The following F2R variants were observed in gnomAD, a reference collection of about 807,000 sequenced individuals.
F2R encodes the protein coagulation factor II thrombin receptor, also known as proteinase-activated receptor 1.
F2R carries 12 observed loss-of-function variants against 18.3 expected under a neutral mutation model. The observed-to-expected ratio is 0.66, with a 90% confidence interval of 0.42 to 1.06. F2R has a LOEUF of 1.06. Ranked by LOEUF, F2R falls within the 50% of genes least tolerant of loss-of-function variation. F2R has a pLI of 0.00. For missense variants in F2R, 438 were observed against 530.8 expected (o/e 0.83, Z 1.72); for synonymous variants, 210 against 219.9 (o/e 0.95, Z 0.40).
At chr5:76,724,621 T>C (rs924130053) in intron 1 of F2R, among the ~76,000 whole-genome samples, 72 of 152,202 alleles carry the variant, frequency 4.7e-4, no homozygotes, top group African/African-American at 1.6e-3. Flanking sequence ...TGGATCTGGC[T>C]GACTGCGTCT....
Position 76,735,508 on chromosome 5 carries a change from AAG to A in F2R, c.*2008_*2009del, listed in dbSNP as rs1292124596. 5.3e-5 allele frequency: 8 copies of A among 152,234 alleles called. No homozygotes were observed. The South Asian group carries it at 1.7e-3, about 32-fold the overall frequency. The allele number at this position is 152,234 out of a possible 1,614,324, so 9.4% of individuals were successfully genotyped here. A position where few individuals can be genotyped will look rare whatever the true frequency, so the allele number is the denominator to read the frequency against. On this transcript the variant is annotated 3_prime_UTR_variant, in exon 2 of 2. Coordinates refer to ENST00000319211, the MANE Select transcript of F2R (RefSeq NM_001992.5). ...AAATAAATAAAAAATAAAAAAATAA[AAG>A]AGCAAACTATTTCCAAATACCATAG...
Position 76,733,054 on chromosome 5 carries a change from G to A in F2R, c.829G>A (p.Val277Ile). The change falls in exon 2 of 2, where the codon GTC (valine) becomes ATC (isoleucine). Residue 277 changes from valine to isoleucine, a missense_variant. Coordinates refer to ENST00000319211, the MANE Select transcript of F2R (RefSeq NM_001992.5). ...YAYYFSAFSA[V>I]FFFVPLIIST... ...CTACTACTTCTCAGCCTTCTCTGCT[G>A]TCTTCTTTTTTGTGCCGCTGATCAT... 2 of 1,614,136 alleles carry A rather than the reference G, an allele frequency of 1.2e-6. No individual in the cohort carries two copies. The highest frequency in any genetic ancestry group is 1.7e-6 in the Non-Finnish European group (2 of 1,180,038).
At position 76,717,098 on chromosome 5, in the gene F2R, T is replaced by G. The variant is rs2227748; in HGVS notation, c.88+703T>G. On this transcript the variant is annotated intron_variant, in intron 1 of 1. Coordinates refer to ENST00000319211, the MANE Select transcript of F2R (RefSeq NM_001992.5). ...GATCCCTCCCCAGGACCGGGCTCCC[T>G]CGAACACTGTGGGATCCCAGTATTT... Among the ~76,000 whole-genome samples, 1,213 of 152,350 alleles carry G rather than the reference T, an allele frequency of 8.0e-3. 13 individuals are homozygous for G. The highest frequency in any genetic ancestry group is 0.027 in the African/African-American group (1,105 of 41,594).
intron 1 of F2R, among the ~76,000 whole-genome samples, chr5:76,720,724 C>T (rs1748433922): frequency 6.6e-6 from 1 of 152,076 alleles, no homozygotes; most frequent in Non-Finnish European, 1.5e-5. Context: ...TATGGATTTA[C>T]CTATTTTTGA....
chr5:76,731,237 A>G (rs923995257), intron 1 of F2R, among the ~76,000 whole-genome samples: 3 of 152,222 alleles, frequency 2.0e-5, no homozygotes, highest in Admixed American at 6.5e-5. Flanking sequence ...TAAAGACTGT[A>G]GAGGAAAACT....
intron 1 of F2R, chr5:76,716,878 CCAGG>C: frequency 2.0e-6 from 1 of 503,828 alleles, no homozygotes; most frequent in Non-Finnish European, 3.5e-6. Context: ...AGAGAAAAGC[CCAGG>C]CAGTCCCTTG....
intron 1 of F2R, among the ~76,000 whole-genome samples, chr5:76,727,563 C>A (rs548187862): frequency 1.3e-5 from 2 of 152,282 alleles, no homozygotes; most frequent in Non-Finnish European, 2.9e-5. Context: ...CCTCTCCCAA[C>A]TTTGCTTAGG....
At chr5:76,731,685 G>A (rs777924473) in intron 1 of F2R, among the ~76,000 whole-genome samples, 4 of 151,878 alleles carry the variant, frequency 2.6e-5, no homozygotes, top group Admixed American at 6.6e-5. Flanking sequence ...GCATGCCACC[G>A]CACCTGGCTA....
At position 76,716,162 on chromosome 5, in the gene F2R, G is replaced by T; in HGVS notation, c.-146G>T. ...ACACAGCGCTCGCCGAGGGTCGCTT[G>T]GACCCTGATCTTACCCGTGGGCACC... On this transcript the variant is annotated 5_prime_UTR_variant, in exon 1 of 2. Transcript: ENST00000319211. 1 of 507,766 alleles carries T rather than the reference G, an allele frequency of 2.0e-6. No individual in the cohort carries two copies. Among genetic ancestry groups the T allele is most frequent in the Non-Finnish European group, 3.1e-6 (1 of 322,982 alleles). The allele number at this position is 507,766 out of a possible 1,614,324, so 31.5% of individuals were successfully genotyped here. A position where few individuals can be genotyped will look rare whatever the true frequency, so the allele number is the denominator to read the frequency against.
chr5:76,732,317 C>A lies in F2R; in HGVS notation c.92C>A (p.Ser31Ter). ...SARTRARRPE[S>*]KATNATLDPR... is the part of the protein sequence containing the mutation. ...TTTTTTTAATTTTATTTTTCAGAAT[C>A]AAAAGCAACAAATGCCACCTTAGAT... The change falls in exon 2 of 2, where the codon TCA (serine) becomes TAA (stop). Residue 31 changes from serine (S) to a stop codon, truncating the protein, a stop_gained. Transcript: ENST00000319211. LOFTEE classifies it low-confidence loss of function (END_TRUNC). The A allele has an allele frequency of 6.4e-7, 1 of 1,572,864 alleles. No individual in the cohort carries two copies. The highest frequency in any genetic ancestry group is 1.2e-5 in the South Asian group (1 of 83,770).
intron 1 of F2R, among the ~76,000 whole-genome samples, chr5:76,717,453 T>C (rs1748367467): frequency 6.6e-6 from 1 of 152,058 alleles, no homozygotes; most frequent in Non-Finnish European, 1.5e-5. Flanking sequence ...TCTATATTGC[T>C]CCCACACTCA....
At chr5:76,729,952 C>T (rs1035645836) in intron 1 of F2R, among the ~76,000 whole-genome samples, 10 of 152,116 alleles carry the variant, frequency 6.6e-5, no homozygotes, top group East Asian at 1.9e-4. Flanking sequence ...TCTCTTTGCC[C>T]GCTGCCATCC....
At chr5:76,725,155 C>T (rs1748532755) in intron 1 of F2R, among the ~76,000 whole-genome samples, 1 of 152,228 alleles carries the variant, frequency 6.6e-6, no homozygotes. Context: ...ATCCCAGGAT[C>T]AAATGCGACA....
chr5:76,728,503 A>C (rs1324028656), intron 1 of F2R, among the ~76,000 whole-genome samples: 1 of 152,034 alleles, frequency 6.6e-6, no homozygotes, highest in Non-Finnish European at 1.5e-5. Flanking sequence ...CGGCTCATCC[A>C]TGTTGTTGCA....
At chr5:76,728,600 A>T (rs1210529184) in intron 1 of F2R, among the ~76,000 whole-genome samples, 1 of 151,214 alleles carries the variant, frequency 6.6e-6, no homozygotes, top group African/African-American at 2.4e-5. Flanking sequence ...TTCATTCATC[A>T]GTGGATACCT....
chr5:76,732,687 G>A lies in F2R; in HGVS notation c.462G>A (p.Val154=). Residue 154 remains valine (V), a synonymous_variant, in exon 2 of 2, where the codon GTG becomes GTA. Coordinates refer to ENST00000319211, the MANE Select transcript of F2R (RefSeq NM_001992.5). ...LATADVLFVS[V]LPFKISYYFS... ...CGGCAGATGTGCTGTTTGTGTCTGT[G>A]CTCCCCTTTAAGATCAGCTATTACT... 6.2e-7 allele frequency: 1 copy of A among 1,614,182 alleles called. No individual in the cohort carries two copies. The highest frequency in any genetic ancestry group is 1.1e-5 in the South Asian group (1 of 91,082).
In F2R at chr5:76,733,425, T is replaced by G. The variant is rs776405252; in HGVS notation, c.1200T>G (p.Ser400Arg). 6.2e-7 allele frequency: 1 copy of G among 1,614,158 alleles called. No individual in the cohort carries two copies. Among genetic ancestry groups the G allele is most frequent in the Non-Finnish European group, 8.5e-7 (1 of 1,180,024 alleles). Residue 400 changes from serine (S) to arginine (R), a missense_variant, in exon 2 of 2, where the codon AGT becomes AGG. Physicochemically the swap from Ser to Arg is moderately radical, Grantham distance 110 (BLOSUM62 -1). Transcript: ENST00000319211. ...CCGATCCCAGCAGTTATAACAGCAG[T>G]GGGCAGTTGATGGCAAGTAAAATGG... ...ESSDPSSYNS[S>R]GQLMASKMDT...
At chr5:76,718,194 G>A (rs993331206) in intron 1 of F2R, among the ~76,000 whole-genome samples, 3 of 152,172 alleles carry the variant, frequency 2.0e-5, no homozygotes, top group African/African-American at 7.2e-5. Flanking sequence ...CCCAGAGACA[G>A]CGGCTAAGCA....
At position 76,726,516 on chromosome 5, in the gene F2R, G is replaced by A. The variant is rs1299534671; in HGVS notation, c.89-5798G>A. 2.7e-5 allele frequency among the ~76,000 whole-genome samples: 4 copies of A among 150,766 alleles called. No homozygotes were observed. The East Asian group carries it at 5.9e-4, about 22-fold the overall frequency. ...AGCGCCACTGCAGTCCGGCCTGGGCGAAAGAGCGAGACTCTGTCTCAAAAA... is the reference window on the plus strand; with the variant it reads ...AGCGCCACTGCAGTCCGGCCTGGGCAAAAGAGCGAGACTCTGTCTCAAAAA... On this transcript the variant is annotated intron_variant, in intron 1 of 1. Transcript: ENST00000319211.
Sources: gnomAD v4.1 joint callset for allele counts (sites outside exome capture counted in the v4.1 genomes callset) on GRCh38, gnomAD v4.1.1 for gene constraint, MANE v1.5 for transcripts, NCBI Gene and HGNC (gene_info 2026-07-23, HGNC 2026-07-21) for gene names.